The following PCDHA12 variants were observed in gnomAD, a reference collection of about 807,000 sequenced individuals.
PCDHA12 encodes protocadherin alpha-12.
In PCDHA12, 44 loss-of-function variants were observed where a neutral mutation model predicts 60.0. That is an observed-to-expected ratio of 0.73 (90% confidence interval 0.58 to 0.94). The LOEUF (loss-of-function observed/expected upper bound fraction) is 0.94, where lower values mean the gene tolerates loss of function less well. PCDHA12 is among the 40% of genes least tolerant of loss of function. The probability of loss-of-function intolerance (pLI) is 0.00; values close to 1 mark genes in which losing one functional copy is unlikely to be tolerated. For missense variants in PCDHA12, 1,276 were observed against 1,239.7 expected (o/e 1.03, Z -0.44); for synonymous variants, 569 against 553.0 (o/e 1.03, Z -0.40).
At chr5:140,923,373 T>A (rs1354356076) in intron 1 of PCDHA12, among the ~76,000 whole-genome samples, 4 of 152,048 alleles carry the variant, frequency 2.6e-5, no homozygotes, top group South Asian at 2.1e-4. Flanking sequence ...AAAATATTTT[T>A]AAAAATTAGT....
Position 140,925,562 on chromosome 5 carries a change from G to A in PCDHA12, c.2367+47723G>A, listed in dbSNP as rs28620116. On this transcript the variant is annotated intron_variant, in intron 1 of 3. Transcript: ENST00000398631. ...ACCTAATGTAAATGACAAGTTAATG[G>A]GTGCAGCACACCAACATGGCGCATG... 5.5e-3 allele frequency among the ~76,000 whole-genome samples: 841 copies of A among 151,670 alleles called. 7 individuals carry two copies. The highest frequency in any genetic ancestry group is 0.018 in the African/African-American group (764 of 41,334).
chr5:140,901,857 G>A (rs782415424), intron 1 of PCDHA12, among the ~76,000 whole-genome samples: 4 of 151,902 alleles, frequency 2.6e-5, no homozygotes, highest in African/African-American at 4.8e-5. Flanking sequence ...CCATTTTTTT[G>A]TGTCCTCTTC....
chr5:140,882,662 A>G (rs1554175058), intron 1 of PCDHA12: 7 of 1,614,224 alleles, frequency 4.3e-6, no homozygotes, highest in Non-Finnish European at 5.9e-6. Context: ...CAACCCGCCC[A>G]TATTCCCTGA....
chr5:140,949,111 T>C (rs1316111436), intron 1 of PCDHA12, among the ~76,000 whole-genome samples: 1 of 151,772 alleles, frequency 6.6e-6, no homozygotes, highest in African/African-American at 2.4e-5. Context: ...AGTTTACAAA[T>C]ATTTTTGGTT....
intron 1 of PCDHA12, among the ~76,000 whole-genome samples, chr5:140,908,042 C>T (rs2073761027): frequency 1.3e-5 from 2 of 152,196 alleles, no homozygotes; most frequent in African/African-American, 2.4e-5. Context: ...TATATAATTG[C>T]ACATCCGGCC....
intron 1 of PCDHA12, chr5:140,926,693 C>G (rs576013331): frequency 3.9e-4 from 291 of 742,942 alleles, no homozygotes; most frequent in Non-Finnish European, 5.0e-4. Flanking sequence ...CTAGCAAGCC[C>G]GGCTCCCAGC....
intron 3 of PCDHA12, among the ~76,000 whole-genome samples, chr5:140,998,727 G>T (rs2097831761): frequency 6.6e-6 from 1 of 152,076 alleles, no homozygotes; most frequent in African/African-American, 2.4e-5. Flanking sequence ...ACCACGCTAG[G>T]CTAATTTTGT....
intron 1 of PCDHA12, among the ~76,000 whole-genome samples, chr5:140,887,198 G>A (rs1276345927): frequency 2.6e-5 from 4 of 151,490 alleles, no homozygotes; most frequent in Admixed American, 2.6e-4. Flanking sequence ...CCGGGTTCAC[G>A]CCATTCTCCT....
chr5:141,008,642 T>C (rs1554261860), intron 3 of PCDHA12, among the ~76,000 whole-genome samples: 1 of 152,212 alleles, frequency 6.6e-6, no homozygotes, highest in Non-Finnish European at 1.5e-5. Flanking sequence ...AACAATTTCT[T>C]CTTCTGGAGT....
At chr5:140,924,894 CAAAAAA>C (rs782133089) in intron 1 of PCDHA12, among the ~76,000 whole-genome samples, 79 of 71,496 alleles carry the variant, frequency 1.1e-3, no homozygotes, top group African/African-American at 2.7e-3. Flanking sequence ...GAACCTGTCT[CAAAAAA>C]AAAAATAAAA....
In PCDHA12 at chr5:141,010,893, A is replaced by G. The variant is rs76323061; in HGVS notation, c.*956A>G. On this transcript the variant is annotated 3_prime_UTR_variant, in exon 4 of 4. Transcript: ENST00000398631. ...TAAATCTTTAAAGAGAAATATGAAT[A>G]CAATTCCCCTAAACTCTCCTCAAAA... is the stretch of plus-strand genomic sequence containing the variant. 0.018 allele frequency: 2,808 copies of G among 153,906 alleles called. 48 individuals are homozygous for G. The highest frequency in any genetic ancestry group is 0.029 in the Non-Finnish European group (1,995 of 68,040). 9.5% of individuals were successfully genotyped at this position (153,906 alleles called of 1,614,324 possible).
rs1554217734 is a variant in PCDHA12 at position 140,946,611 on chromosome 5, A to AATATATATATATATATATATATATATAT, written c.2368-32317_2368-32316insTATATATATATATATATATATATATATA. Among the ~76,000 whole-genome samples, 579 of 86,182 alleles carry AATATATATATATATATATATATATATAT rather than the reference A, an allele frequency of 6.7e-3. 16 individuals are homozygous for AATATATATATATATATATATATATATAT. The highest frequency in any genetic ancestry group is 0.011 in the Middle Eastern group (2 of 184). 56.5% of individuals were successfully genotyped at this position (86,182 alleles called of 152,430 possible). A position where few individuals can be genotyped will look rare whatever the true frequency, so the allele number is the denominator to read the frequency against. On this transcript the variant is annotated intron_variant, in intron 1 of 3. Transcript: ENST00000398631. ...GGATGAATAGATAAAGAAAATGTGA[A>AATATATATATATATATATATATATATAT]ATATATATATATATATATATACAAT...
intron 1 of PCDHA12, among the ~76,000 whole-genome samples, chr5:140,964,743 T>C (rs1373954630): frequency 6.7e-6 from 1 of 150,048 alleles, no homozygotes; most frequent in Non-Finnish European, 1.5e-5. Flanking sequence ...ACAGAATTAT[T>C]GTAGGGATGT....
At chr5:140,929,690 C>A in intron 1 of PCDHA12, 1 of 278,482 alleles carries the variant, frequency 3.6e-6, no homozygotes, top group Non-Finnish European at 7.0e-6. Flanking sequence ...TAAGAGTCTG[C>A]TTTATATGAA....
intron 2 of PCDHA12, among the ~76,000 whole-genome samples, chr5:140,979,495 G>A (rs1405180713): frequency 6.6e-6 from 1 of 151,840 alleles, no homozygotes; most frequent in Non-Finnish European, 1.5e-5. Context: ...ACCTATTAGA[G>A]CCTCCTCATC....
intron 1 of PCDHA12, chr5:140,882,711 C>A: frequency 6.2e-7 from 1 of 1,614,160 alleles, no homozygotes; most frequent in Non-Finnish European, 8.5e-7. Flanking sequence ...TCTAGACCTC[C>A]GGAAACTCGA....
At chr5:140,928,096 C>T (rs145229632) in intron 1 of PCDHA12, 1 of 1,614,170 alleles carries the variant, frequency 6.2e-7, no homozygotes, top group Non-Finnish European at 8.5e-7. Context: ...GATTGATGGG[C>T]CCCTGGACCG....
chr5:140,904,940 A>G (rs368833420), intron 1 of PCDHA12, among the ~76,000 whole-genome samples: 1 of 152,136 alleles, frequency 6.6e-6, no homozygotes, highest in African/African-American at 2.4e-5. Context: ...TCTGGATATT[A>G]GTCCTTTGTC....
chr5:140,882,985 C>T (rs1554176359), intron 1 of PCDHA12: 14 of 1,614,110 alleles, frequency 8.7e-6, no homozygotes, highest in Non-Finnish European at 1.1e-5. Flanking sequence ...ATGACAACGC[C>T]CCGGAATTTT....
Sources: gnomAD v4.1 joint callset for allele counts (sites outside exome capture counted in the v4.1 genomes callset) on GRCh38, gnomAD v4.1.1 for gene constraint, MANE v1.5 for transcripts, NCBI Gene and HGNC (gene_info 2026-07-23, HGNC 2026-07-21) for gene names.